CDIN1: variants seen among roughly 807,000 people sequenced by gnomAD.
CDIN1 encodes the protein CDAN1 interacting nuclease 1, also known as CDAN1-interacting nuclease 1.
In CDIN1, 33 loss-of-function variants were observed where a neutral mutation model predicts 45.3. The ratio of observed to expected loss-of-function variants is 0.73; its 90% CI spans 0.55 to 0.97. The LOEUF is 0.97. Among genes scored for constraint, CDIN1 ranks in the 50% least tolerant of loss-of-function variants. CDIN1 has a pLI of 0.00. For missense variants in CDIN1, 303 were observed against 339.4 expected (o/e 0.89, Z 0.84); for synonymous variants, 118 against 124.4 (o/e 0.95, Z 0.34).
At chr15:36,632,826 A>G (rs2039735554) in intron 1 of CDIN1, among the ~76,000 whole-genome samples, 1 of 152,250 alleles carries the variant, frequency 6.6e-6, no homozygotes, top group Non-Finnish European at 1.5e-5. Flanking sequence ...TATTATTTAT[A>G]TAATGTGTTG....
intron 4 of CDIN1, among the ~76,000 whole-genome samples, chr15:36,655,191 GTCTAA>G (rs2040730104): frequency 1.3e-5 from 2 of 152,106 alleles, no homozygotes; most frequent in South Asian, 4.1e-4. Context: ...GGTTTTAATA[GTCTAA>G]GCAATGTCTA....
intron 1 of CDIN1, among the ~76,000 whole-genome samples, chr15:36,629,209 A>T (rs77307123): frequency 0.064 from 9,676 of 152,278 alleles, 537 homozygotes; most frequent in East Asian, 0.32. Flanking sequence ...GTAATTTGTT[A>T]CAGTAACCAT....
intron 1 of CDIN1, among the ~76,000 whole-genome samples, chr15:36,639,785 C>T (rs192942350): frequency 3.3e-5 from 5 of 152,166 alleles, no homozygotes; most frequent in Admixed American, 1.3e-4. Context: ...CATGAGGGTC[C>T]GGAAACCAGT....
chr15:36,738,728 G>A (rs959302749), intron 10 of CDIN1, among the ~76,000 whole-genome samples: 2 of 152,090 alleles, frequency 1.3e-5, no homozygotes, highest in Non-Finnish European at 2.9e-5. Flanking sequence ...ACAGCCTACA[G>A]CTTTCTTTTT....
chr15:36,676,395 C>A (rs567552721), intron 5 of CDIN1, among the ~76,000 whole-genome samples: 43 of 152,238 alleles, frequency 2.8e-4, no homozygotes, highest in African/African-American at 8.7e-4. Context: ...GAGGCAGACA[C>A]CATGATGTTG....
At chr15:36,709,770 G>T in intron 9 of CDIN1, 86 bp from the exon 10 acceptor site, 1 of 966,448 alleles carries the variant, frequency 1.0e-6, no homozygotes, top group Non-Finnish European at 1.7e-6. Context: ...GCTCATTAAT[G>T]TGAAGCATAG....
chr15:36,666,271 T>C (rs2041244731), intron 5 of CDIN1, among the ~76,000 whole-genome samples: 1 of 152,142 alleles, frequency 6.6e-6, no homozygotes, highest in Non-Finnish European at 1.5e-5. Context: ...AATACAGAAA[T>C]CAAGTAATTC....
Position 36,808,891 on chromosome 15 carries a change from T to A in CDIN1, c.*438T>A, listed in dbSNP as rs1168489381. On this transcript the variant is annotated 3_prime_UTR_variant, in exon 11 of 11. Transcript: ENST00000566621. Reference sequence around the variant, plus strand: ...GTCTCTCCCTCTCCCTTTCTCTTCATGTGCACTCACAGAGACCCAGCATTG... The same window carrying A: ...GTCTCTCCCTCTCCCTTTCTCTTCAAGTGCACTCACAGAGACCCAGCATTG... 1 of 456,480 alleles carries A rather than the reference T, an allele frequency of 2.2e-6. No homozygotes were observed. The highest frequency in any genetic ancestry group is 4.4e-6 in the Non-Finnish European group (1 of 226,906). The allele number at this position is 456,480 out of a possible 1,614,324, so 28.3% of individuals were successfully genotyped here.
chr15:36,722,170 G>A (rs766743204), intron 10 of CDIN1, among the ~76,000 whole-genome samples: 4 of 152,108 alleles, frequency 2.6e-5, no homozygotes, highest in African/African-American at 7.2e-5. Context: ...ACAGATTTGT[G>A]TAAACCAGTT....
chr15:36,606,910 G>C (rs188619002), intron 1 of CDIN1, among the ~76,000 whole-genome samples: 7 of 152,228 alleles, frequency 4.6e-5, no homozygotes, highest in Non-Finnish European at 8.8e-5. Context: ...GTTGCCACCT[G>C]TCTAGGGATT....
chr15:36,751,199 T>C (rs2053451810), intron 10 of CDIN1, among the ~76,000 whole-genome samples: 1 of 134,974 alleles, frequency 7.4e-6, no homozygotes, highest in East Asian at 2.3e-4. Context: ...ATTCCATTTT[T>C]ATTGATAAAA....
At chr15:36,697,445 A>G in intron 8 of CDIN1, 55 bp downstream of exon 8, 1 of 1,369,174 alleles carries the variant, frequency 7.3e-7, no homozygotes, top group Non-Finnish European at 1.0e-6. Flanking sequence ...GTGCTTAAAT[A>G]TATATTTTAA....
At chr15:36,776,342 T>C (rs1012089757) in intron 10 of CDIN1, among the ~76,000 whole-genome samples, 9 of 152,180 alleles carry the variant, frequency 5.9e-5, no homozygotes. Context: ...TGGTCTGAAT[T>C]CACCACCAAT....
At chr15:36,640,697 G>A (rs1488068013) in intron 1 of CDIN1, 1 of 956,808 alleles carries the variant, frequency 1.0e-6, no homozygotes, top group African/African-American at 1.8e-5. Context: ...AAAACATAAG[G>A]ACCTTACCCT....
At position 36,709,271 on chromosome 15, in the gene CDIN1, T is replaced by C; in HGVS notation, c.593T>C (p.Ile198Thr). ...AKGYDKTPDF[I>T]LQVPVAVEGH... ...GGTTATGACAAAACACCAGACTTCA[T>C]TTTACAAGTACCAGTTGGTAAGTTC... The change falls in exon 9 of 11, where the codon ATT (isoleucine) becomes ACT (threonine). Residue 198 changes from isoleucine to threonine, a missense_variant. Ile to Thr is a moderately conservative substitution (Grantham distance 89). Transcript: ENST00000566621. 2 of 1,602,018 alleles carry C rather than the reference T, an allele frequency of 1.2e-6. No individual in the cohort carries two copies. The highest frequency in any genetic ancestry group is 1.1e-5 in the South Asian group (1 of 88,554).
chr15:36,691,991 C>T (rs1158672243), intron 6 of CDIN1, 135 bp from the exon 7 acceptor site: 2 of 858,414 alleles, frequency 2.3e-6, no homozygotes, highest in Non-Finnish European at 3.4e-6. Context: ...TAAATCCGAA[C>T]CGCCTTTTGA....
chr15:36,603,578 A>G (rs534459228), intron 1 of CDIN1, among the ~76,000 whole-genome samples: 41 of 152,276 alleles, frequency 2.7e-4, no homozygotes, highest in African/African-American at 9.9e-4. Context: ...TAGGGTTTGA[A>G]ATAGGATGAA....
intron 1 of CDIN1, among the ~76,000 whole-genome samples, chr15:36,619,756 G>A (rs373580919): frequency 1.3e-5 from 2 of 152,100 alleles, no homozygotes; most frequent in African/African-American, 2.4e-5. Flanking sequence ...AAAGTTTGGC[G>A]TGGAGAATGC....
intron 1 of CDIN1, among the ~76,000 whole-genome samples, chr15:36,616,897 C>G (rs1005734670): frequency 1.3e-5 from 2 of 151,910 alleles, no homozygotes; most frequent in Non-Finnish European, 2.9e-5. Context: ...TGCACTCCAG[C>G]TTGGGTGACA....
Sources: gnomAD v4.1 joint callset for allele counts (sites outside exome capture counted in the v4.1 genomes callset) on GRCh38, gnomAD v4.1.1 for gene constraint, MANE v1.5 for transcripts, NCBI Gene and HGNC (gene_info 2026-07-23, HGNC 2026-07-21) for gene names.